TRPC5: variants seen among roughly 807,000 people sequenced by gnomAD.
TRPC5 encodes the protein transient receptor potential cation channel subfamily C member 5.
A neutral mutation model predicts 56.5 loss-of-function variants in TRPC5; 9 were observed. That is an observed-to-expected ratio of 0.16 (90% CI 0.10 to 0.28). TRPC5 has a LOEUF of 0.28. Ranked by LOEUF, TRPC5 falls within the 10% of genes least tolerant of loss-of-function variation. The pLI, the probability that TRPC5 is intolerant of heterozygous loss-of-function variation, is 1.00. For missense variants in TRPC5, 469 were observed against 748.9 expected (o/e 0.63, Z 4.36); for synonymous variants, 282 against 278.5 (o/e 1.01, Z -0.13).
chrX:111,802,329 G>A (rs1334657361), intron 7 of TRPC5, among the ~76,000 whole-genome samples: 1 of 111,272 alleles, frequency 9.0e-6, no homozygotes, highest in African/African-American at 3.3e-5. Context: ...GATTTTTCAA[G>A]ATTATATTGG....
intron 3 of TRPC5, among the ~76,000 whole-genome samples, chrX:111,861,368 G>T (rs1923400157): frequency 1.8e-5 from 2 of 111,869 alleles, no homozygotes; most frequent in Middle Eastern, 0.01. Flanking sequence ...TTATTTGCAG[G>T]ATTAGTTTTT....
chrX:111,797,395 C>T (rs1921134794), intron 7 of TRPC5, among the ~76,000 whole-genome samples: 1 of 111,942 alleles, frequency 8.9e-6, no homozygotes, highest in African/African-American at 3.2e-5. Context: ...CTGAGATCCT[C>T]AATGTGTATT....
rs189791477 is a variant in TRPC5, at chrX:111,958,663, G to T, written c.-21-6222C>A. On this transcript the variant is annotated intron_variant, in intron 1 of 10. Transcript: ENST00000262839. ...TAATTAGTCTAAGGCTAAGTTATTAGGTTGGTGCAAAAGTGATTGCCTTTT... is the reference window on the plus strand; with the variant it reads ...TAATTAGTCTAAGGCTAAGTTATTATGTTGGTGCAAAAGTGATTGCCTTTT... Among the ~76,000 whole-genome samples, 460 of 112,194 alleles carry T rather than the reference G, an allele frequency of 4.1e-3. 5 individuals are homozygous for T. Among genetic ancestry groups the T allele is most frequent in the African/African-American group, 0.014 (443 of 30,921 alleles).
chrX:111,821,860 G>A, intron 7 of TRPC5, among the ~76,000 whole-genome samples: 1 of 111,434 alleles, frequency 9.0e-6, no homozygotes, highest in Admixed American at 9.5e-5. Flanking sequence ...TAAGTAGGAA[G>A]GCTAAGTATT....
chrX:112,051,243 C>A (rs182680212), intron 1 of TRPC5, among the ~76,000 whole-genome samples: 26 of 112,403 alleles, frequency 2.3e-4, no homozygotes, highest in African/African-American at 8.1e-4. Context: ...CTATTTCCTT[C>A]TCTTGTTCCT....
intron 2 of TRPC5, among the ~76,000 whole-genome samples, chrX:111,926,673 C>T (rs111878000): frequency 0.037 from 4,136 of 112,252 alleles, 202 homozygotes; most frequent in African/African-American, 0.13. Flanking sequence ...CATGTATTAT[C>T]TCCTTTATGA....
intron 1 of TRPC5, among the ~76,000 whole-genome samples, chrX:112,057,423 TG>T (rs1930367024): frequency 8.9e-6 from 1 of 112,117 alleles, no homozygotes; most frequent in Non-Finnish European, 1.9e-5. Flanking sequence ...GGGATGTTTT[TG>T]CTTACACTTT....
intron 3 of TRPC5, among the ~76,000 whole-genome samples, chrX:111,894,122 C>T (rs1359438247): frequency 9.0e-6 from 1 of 111,537 alleles, no homozygotes; most frequent in Non-Finnish European, 1.9e-5. Context: ...CTGGCACCCA[C>T]CCTCACCAAA....
At chrX:112,006,748 C>T (rs1386336234) in intron 1 of TRPC5, among the ~76,000 whole-genome samples, 1 of 111,803 alleles carries the variant, frequency 8.9e-6, no homozygotes, top group Non-Finnish European at 1.9e-5. Context: ...CTGGAGGCAT[C>T]GGAGAGCCAT....
At chrX:111,793,937 A>G (rs962855042) in intron 7 of TRPC5, among the ~76,000 whole-genome samples, 1 of 112,002 alleles carries the variant, frequency 8.9e-6, no homozygotes, top group Non-Finnish European at 1.9e-5. Flanking sequence ...TTCTAAGTGA[A>G]AGTAGCCAGT....
At chrX:111,885,615 C>T (rs752349476) in intron 3 of TRPC5, among the ~76,000 whole-genome samples, 1 of 108,986 alleles carries the variant, frequency 9.2e-6, no homozygotes, top group East Asian at 2.9e-4. Context: ...ACATTCATAA[C>T]ATTATCTTGT....
chrX:111,983,313 C>T (rs1928129336), intron 1 of TRPC5, among the ~76,000 whole-genome samples: 1 of 111,422 alleles, frequency 9.0e-6, no homozygotes, highest in Admixed American at 9.5e-5. Flanking sequence ...TTACCTCCAT[C>T]ACAGCCATCA....
chrX:111,989,096 G>T (rs1407485668), intron 1 of TRPC5, among the ~76,000 whole-genome samples: 1 of 111,326 alleles, frequency 9.0e-6, no homozygotes, highest in Non-Finnish European at 1.9e-5. Flanking sequence ...GATGTACCTG[G>T]ATGCATATCC....
At chrX:111,930,080 A>G (rs1442842974) in intron 2 of TRPC5, among the ~76,000 whole-genome samples, 1 of 111,375 alleles carries the variant, frequency 9.0e-6, no homozygotes, top group African/African-American at 3.3e-5. Flanking sequence ...TTGGGTGGCC[A>G]CATTTCCTTC....
chrX:111,867,693 A>G (rs1923587864), intron 3 of TRPC5, among the ~76,000 whole-genome samples: 1 of 111,982 alleles, frequency 8.9e-6, no homozygotes. Flanking sequence ...GTTAAAGTGA[A>G]AAAATTCTTC....
chrX:112,004,806 G>A (rs1168546867), intron 1 of TRPC5, among the ~76,000 whole-genome samples: 5 of 111,421 alleles, frequency 4.5e-5, no homozygotes, highest in African/African-American at 6.5e-5. Context: ...ACCAGGTGTG[G>A]CTGGAGGGTA....
intron 3 of TRPC5, among the ~76,000 whole-genome samples, chrX:111,881,142 TTTTG>T (rs200711111): frequency 1.8e-3 from 188 of 104,918 alleles, no homozygotes; most frequent in African/African-American, 6.9e-3. Context: ...TGTGATTTTC[TTTTG>T]TTTATTTTAT....
chrX:112,018,737 A>C (rs576023492), intron 1 of TRPC5, among the ~76,000 whole-genome samples: 4 of 112,597 alleles, frequency 3.6e-5, no homozygotes, highest in African/African-American at 1.3e-4. Flanking sequence ...GTCTGGGTAC[A>C]GCATGCTTTG....
At chrX:111,868,439 G>A (rs1923613409) in intron 3 of TRPC5, among the ~76,000 whole-genome samples, 1 of 112,642 alleles carries the variant, frequency 8.9e-6, no homozygotes, top group African/African-American at 3.2e-5. Context: ...CACCTAACTG[G>A]TTATTTTCAG....
Sources: gnomAD v4.1 joint callset for allele counts (sites outside exome capture counted in the v4.1 genomes callset) on GRCh38, gnomAD v4.1.1 for gene constraint, MANE v1.5 for transcripts, NCBI Gene and HGNC (gene_info 2026-07-23, HGNC 2026-07-21) for gene names.